Variants in XRN2 observed in about 807,000 individuals in gnomAD.
The protein encoded by XRN2 is DHM1-like protein.
Under a neutral mutation model 138.5 loss-of-function variants are expected in XRN2, and 44 were observed. The ratio of observed to expected loss-of-function variants is 0.32; its 90% CI spans 0.25 to 0.41. XRN2 has a LOEUF of 0.41. Ranked by LOEUF, XRN2 falls within the 10% of genes least tolerant of loss-of-function variation. The probability of loss-of-function intolerance (pLI) is 1.00; values close to 1 mark genes in which losing one functional copy is unlikely to be tolerated. For synonymous variants in XRN2, 354 were observed against 369.4 expected, an observed-to-expected ratio of 0.96 and a Z score of 0.48; for missense variants, 937 against 1,169.3, an observed-to-expected ratio of 0.80 and a Z score of 2.90.
At chr20:21,347,884 G>T (rs193086080) in intron 17 of XRN2, among the ~76,000 whole-genome samples, 112 of 152,310 alleles carry the variant, frequency 7.4e-4, no homozygotes, top group Non-Finnish European at 2.9e-4. Flanking sequence ...TTGTGAATAT[G>T]AAGTTTGGCA....
rs757648264 is a variant in XRN2, at chr20:21,333,736, A to G, written c.966A>G (p.Leu322=). The G allele has an allele frequency of 9.3e-6, 15 of 1,614,132 alleles. No individual in the cohort carries two copies. Among genetic ancestry groups the G allele is most frequent in the South Asian group, 6.6e-5 (6 of 91,078 alleles). The change falls in exon 11 of 30, where the codon CTA becomes CTG. Residue 322 remains leucine (L), a synonymous_variant. Transcript: ENST00000377191. ...YLERELTMAS[L]PFTFDVERSI... The stretch of plus-strand genomic sequence containing the variant: ...AAAGAGAACTCACAATGGCCAGCCT[A>G]CCATTCACATTTGATGTTGAGAGGA...
At chr20:21,367,632 T>G (rs1211340089) in intron 26 of XRN2, among the ~76,000 whole-genome samples, 1 of 152,082 alleles carries the variant, frequency 6.6e-6, no homozygotes, top group African/African-American at 2.4e-5. Context: ...TTCTTAAAAT[T>G]ATGAAGTTAT....
chr20:21,318,802 T>C (rs1359828126), intron 1 of XRN2, among the ~76,000 whole-genome samples: 1 of 152,158 alleles, frequency 6.6e-6, no homozygotes, highest in Non-Finnish European at 1.5e-5. Flanking sequence ...TATTTCATTG[T>C]GGTCAGAGTG....
intron 24 of XRN2, among the ~76,000 whole-genome samples, chr20:21,362,960 G>C (rs1192332985): frequency 6.6e-6 from 1 of 152,136 alleles, no homozygotes; most frequent in Non-Finnish European, 1.5e-5. Context: ...CAGTAAAACT[G>C]TACTGTTCCT....
intron 29 of XRN2, 118 bp downstream of exon 29, chr20:21,387,124 A>C (rs2038945013): frequency 7.2e-6 from 10 of 1,380,224 alleles, no homozygotes; most frequent in Non-Finnish European, 8.7e-6. Context: ...AGCTTAGAGT[A>C]GCTTGGCTGA....
rs1271567077 is a variant in XRN2 at position 21,330,490 on chromosome 20, T to C, written c.437T>C (p.Leu146Pro). The C allele has an allele frequency of 6.2e-7, 1 of 1,613,720 alleles. No homozygotes were observed. The highest frequency in any genetic ancestry group is 1.1e-5 in the South Asian group (1 of 91,026). ...TGCCTCTTTTCTCTAGGTGGCTTTCTTCCTCCAGAAGAAATAAAAGAAAGA... is the reference window on the plus strand; with the variant it reads ...TGCCTCTTTTCTCTAGGTGGCTTTCCTCCTCCAGAAGAAATAAAAGAAAGA... ...REEILAKGGF[L>P]PPEEIKERFD... Residue 146 changes from leucine (L) to proline (P), a missense_variant, in exon 5 of 30, where the codon CTT becomes CCT. Transcript: ENST00000377191.
intron 27 of XRN2, among the ~76,000 whole-genome samples, chr20:21,380,674 C>T (rs2038873543): frequency 6.6e-6 from 1 of 152,090 alleles, no homozygotes; most frequent in Non-Finnish European, 1.5e-5. Context: ...CTAAAGATAC[C>T]ACCTTTTAAT....
chr20:21,387,543 A>G (rs1167323427), intron 29 of XRN2, among the ~76,000 whole-genome samples: 4 of 152,222 alleles, frequency 2.6e-5, no homozygotes, highest in African/African-American at 4.8e-5. Flanking sequence ...CTGAATGACT[A>G]TCATAATTCC....
intron 1 of XRN2, 114 bp downstream of exon 1, chr20:21,303,587 T>G (rs2037769440): frequency 1.4e-6 from 2 of 1,389,652 alleles, no homozygotes; most frequent in Non-Finnish European, 1.9e-6. Context: ...GCTCGCGCCC[T>G]GCTGCCAGCC....
intron 28 of XRN2, among the ~76,000 whole-genome samples, chr20:21,382,584 C>T (rs1306800358): frequency 3.9e-5 from 6 of 152,174 alleles, no homozygotes; most frequent in African/African-American, 1.4e-4. Flanking sequence ...CCACTGAAAA[C>T]AGTTTCTTTA....
rs149597539 is a variant in XRN2 at position 21,339,966 on chromosome 20, A to G, written c.1279-755A>G. 3.0e-4 allele frequency among the ~76,000 whole-genome samples: 46 copies of G among 152,296 alleles called. No homozygotes were observed. The East Asian group carries it at 8.9e-3, about 29-fold the overall frequency. On this transcript the variant is annotated intron_variant, in intron 14 of 29. Coordinates refer to ENST00000377191, the MANE Select transcript of XRN2 (RefSeq NM_012255.5). Reference sequence around the variant, plus strand: ...AGTTATTTATTGTTGCAGTGGGTTCAAAATCATTTAGATTGGGAGGGGCAT... The same window carrying G: ...AGTTATTTATTGTTGCAGTGGGTTCGAAATCATTTAGATTGGGAGGGGCAT...
chr20:21,369,398 C>T (rs780334036), intron 27 of XRN2, among the ~76,000 whole-genome samples: 4 of 152,164 alleles, frequency 2.6e-5, no homozygotes, highest in Non-Finnish European at 5.9e-5. Context: ...GTCTCCTTGA[C>T]GTACTGATTT....
chr20:21,331,916 T>C (rs1321078026), intron 8 of XRN2, 98 bp downstream of exon 8: 7 of 1,334,958 alleles, frequency 5.2e-6, no homozygotes, highest in Non-Finnish European at 7.4e-6. Flanking sequence ...ACCTGGAAGT[T>C]CCAAAATGCC....
Position 21,333,934 on chromosome 20 carries a change from C to T in XRN2, c.1068-3C>T. On this transcript the variant is annotated splice_polypyrimidine_tract_variant and splice_region_variant and intron_variant, in intron 11 of 29. Transcript: ENST00000377191. ...ATGCATAATGTTTGTCTCTTGCTGACAGGGAAAATGCAATTGACCGTTTGG... is the reference window on the plus strand; with the variant it reads ...ATGCATAATGTTTGTCTCTTGCTGATAGGGAAAATGCAATTGACCGTTTGG... 6.2e-7 allele frequency: 1 copy of T among 1,614,056 alleles called. No individual in the cohort carries two copies. The highest frequency in any genetic ancestry group is 8.5e-7 in the Non-Finnish European group (1 of 1,179,978).
chr20:21,384,004 G>A (rs1049972884), intron 28 of XRN2, among the ~76,000 whole-genome samples: 16 of 152,264 alleles, frequency 1.1e-4, no homozygotes, highest in Middle Eastern at 3.4e-3. Flanking sequence ...ATGTTTCCAC[G>A]ACGCTACTGT....
At chr20:21,315,606 C>T (rs897687364) in intron 1 of XRN2, among the ~76,000 whole-genome samples, 3 of 152,196 alleles carry the variant, frequency 2.0e-5, no homozygotes, top group African/African-American at 7.2e-5. Context: ...TATCCTCCCA[C>T]CTCAGCCTCC....
At chr20:21,365,292 C>T in intron 24 of XRN2, 129 bp from the exon 25 acceptor site, 2 of 790,310 alleles carry the variant, frequency 2.5e-6, no homozygotes, top group Non-Finnish European at 2.0e-6. Flanking sequence ...GACATTTAGC[C>T]ATTTGTCAAA....
At chr20:21,337,749 C>T (rs1015704513) in intron 13 of XRN2, among the ~76,000 whole-genome samples, 5 of 152,188 alleles carry the variant, frequency 3.3e-5, no homozygotes, top group African/African-American at 1.2e-4. Flanking sequence ...AACTTGCAAC[C>T]TCCAGCATAA....
chr20:21,333,024 GA>G (rs1221132823), intron 9 of XRN2, among the ~76,000 whole-genome samples: 5 of 151,968 alleles, frequency 3.3e-5, no homozygotes, highest in East Asian at 1.9e-4. Context: ...TTTGAGGGGG[GA>G]AAAAGAATAT....
Sources: allele counts gnomAD v4.1 joint callset (sites outside exome capture counted in the v4.1 genomes callset), GRCh38; gene constraint gnomAD v4.1.1; transcripts MANE v1.5; gene names NCBI Gene and HGNC (gene_info 2026-07-23, HGNC 2026-07-21).